The following KLHL13 variants were observed in gnomAD, a reference collection of about 807,000 sequenced individuals.
The protein encoded by KLHL13 is kelch like family member 13.
A neutral mutation model predicts 37.1 loss-of-function variants in KLHL13; 10 were observed. The observed-to-expected ratio is 0.27, with a 90% CI of 0.17 to 0.46. The LOEUF (loss-of-function observed/expected upper bound fraction) is 0.46, where lower values mean the gene tolerates loss of function less well. Among genes scored for constraint, KLHL13 ranks in the 20% least tolerant of loss-of-function variants. The pLI, the probability that KLHL13 is intolerant of heterozygous loss-of-function variation, is 1.00. For missense variants in KLHL13, 360 were observed against 509.3 expected (o/e 0.71, Z 2.82); for synonymous variants, 163 against 181.2 (o/e 0.90, Z 0.81).
intron 1 of KLHL13, among the ~76,000 whole-genome samples, chrX:117,986,306 T>C (rs2053725859): frequency 1.8e-5 from 2 of 111,419 alleles, no homozygotes; most frequent in Admixed American, 1.9e-4. Flanking sequence ...TGTGAAGGAA[T>C]ACAACATGTT....
intron 1 of KLHL13, among the ~76,000 whole-genome samples, chrX:118,090,345 G>A (rs981801309): frequency 9.0e-6 from 1 of 111,005 alleles, no homozygotes; most frequent in East Asian, 2.8e-4. Flanking sequence ...GCAACCTACA[G>A]AATGGGAGAA....
intron 1 of KLHL13, among the ~76,000 whole-genome samples, chrX:118,020,544 G>A (rs1328960933): frequency 9.0e-6 from 1 of 110,741 alleles, no homozygotes; most frequent in African/African-American, 3.3e-5. Context: ...ACTGTTGGTG[G>A]GACTGTAAAC....
At chrX:117,905,505 GCACACACA>G (rs34703680) in intron 5 of KLHL13, among the ~76,000 whole-genome samples, 4 of 103,278 alleles carry the variant, frequency 3.9e-5, no homozygotes, top group Admixed American at 1.0e-4. Flanking sequence ...GCTAGTGCGT[GCACACACA>G]CACACACACA....
chrX:117,913,431 A>C, intron 4 of KLHL13, among the ~76,000 whole-genome samples: 1 of 112,931 alleles, frequency 8.9e-6, no homozygotes, highest in Admixed American at 9.3e-5. Flanking sequence ...ATTTCTAAGT[A>C]GAAATTTCAT....
intron 2 of KLHL13, among the ~76,000 whole-genome samples, chrX:117,941,296 T>C (rs776657016): frequency 8.0e-5 from 9 of 112,036 alleles, no homozygotes; most frequent in African/African-American, 2.6e-4. Flanking sequence ...GGCCTGAAAT[T>C]TTCTTTTTTT....
intron 5 of KLHL13, among the ~76,000 whole-genome samples, chrX:117,908,898 T>A (rs1434450758): frequency 8.9e-6 from 1 of 112,251 alleles, no homozygotes; most frequent in African/African-American, 3.2e-5. Flanking sequence ...CAATGAAAGT[T>A]TTCTGTAATG....
rs1569309012 is a variant in KLHL13 at position 118,072,062 on chromosome X, CT to C, written c.-56+44445del. Among the ~76,000 whole-genome samples the C allele has an allele frequency of 1.3e-3, 143 of 109,782 alleles. 1 individual carries two copies. The highest frequency in any genetic ancestry group is 4.5e-3 in the African/African-American group (135 of 30,282). ...AAAGAACAAAGCTGGAGGCATCACA[CT>C]ACCTGACTTCAAACTATACTACAAG... On this transcript the variant is annotated intron_variant, in intron 1 of 6. Coordinates refer to the KLHL13 transcript ENST00000371882.
At chrX:117,972,584 C>A in intron 1 of KLHL13, 1 of 450,599 alleles carries the variant, frequency 2.2e-6, no homozygotes, top group Non-Finnish European at 3.8e-6. Flanking sequence ...GTGGGCATGC[C>A]AACATCTTTA....
chrX:117,923,871 T>C (rs972936866), intron 2 of KLHL13, among the ~76,000 whole-genome samples: 1 of 111,864 alleles, frequency 8.9e-6, no homozygotes, highest in Admixed American at 9.5e-5. Context: ...TAAAAAATCC[T>C]TTAACCTTTC....
intron 4 of KLHL13, among the ~76,000 whole-genome samples, chrX:117,915,896 C>T (rs1416595553): frequency 8.9e-6 from 1 of 112,737 alleles, no homozygotes; most frequent in African/African-American, 3.2e-5. Context: ...CGGTGGCTCA[C>T]GCCTGTAATC....
chrX:117,943,814 A>G (rs142709750), intron 2 of KLHL13, among the ~76,000 whole-genome samples: 11,252 of 109,184 alleles, frequency 0.1, 600 homozygotes, highest in African/African-American at 0.19. Context: ...CCTACCTTCT[A>G]AAGCCTACTT....
chrX:117,965,764 A>T, intron 1 of KLHL13, among the ~76,000 whole-genome samples: 1 of 111,964 alleles, frequency 8.9e-6, no homozygotes, highest in Non-Finnish European at 1.9e-5. Context: ...GCAAATCAAT[A>T]AACATAATCC....
intron 1 of KLHL13, among the ~76,000 whole-genome samples, chrX:118,105,327 G>A (rs2055334706): frequency 8.9e-6 from 1 of 112,193 alleles, no homozygotes; most frequent in East Asian, 2.8e-4. Context: ...GAAGTGTTGT[G>A]GTTAAAAGCA....
At chrX:117,899,507 C>G in intron 6 of KLHL13, 112 bp from the exon 8 acceptor site, 1 of 582,870 alleles carries the variant, frequency 1.7e-6, no homozygotes, top group Non-Finnish European at 2.7e-6. Flanking sequence ...TATACCTTAT[C>G]AATACTGTTC....
At chrX:118,080,089 T>A (rs1027324880) in intron 1 of KLHL13, among the ~76,000 whole-genome samples, 3 of 111,800 alleles carry the variant, frequency 2.7e-5, no homozygotes, top group Non-Finnish European at 5.7e-5. Flanking sequence ...TGCAAAAGAA[T>A]GAAACTGGAT....
intron 4 of KLHL13, among the ~76,000 whole-genome samples, chrX:117,915,362 CTT>C (rs200193222): frequency 0.084 from 9,321 of 110,548 alleles, 352 homozygotes; most frequent in African/African-American, 0.13. Flanking sequence ...ATTCCTCTCT[CTT>C]GTCTCCTTCC....
intron 5 of KLHL13, 22 bp from the exon 7 acceptor site, chrX:117,901,968 G>T: frequency 1.2e-6 from 1 of 860,768 alleles, no homozygotes. Flanking sequence ...AAAAAGAAAA[G>T]AAAATTATTT....
intron 1 of KLHL13, among the ~76,000 whole-genome samples, chrX:118,084,156 C>CAAA (rs201226351): frequency 1.2e-5 from 1 of 80,740 alleles, no homozygotes; most frequent in Non-Finnish European, 2.5e-5. Context: ...TCTGTCTCTA[C>CAAA]AAAAAAAAAA....
chrX:117,976,200 T>C (rs985048800), upstream of KLHL13, among the ~76,000 whole-genome samples: 3 of 112,065 alleles, frequency 2.7e-5, no homozygotes, highest in African/African-American at 6.5e-5. Context: ...ATGGTGGAGA[T>C]GTATATATAT....
Sources: gnomAD v4.1 joint callset for allele counts (sites outside exome capture counted in the v4.1 genomes callset) on GRCh38, gnomAD v4.1.1 for gene constraint, MANE v1.5 for transcripts, NCBI Gene and HGNC (gene_info 2026-07-23, HGNC 2026-07-21) for gene names.